The following PIGK variants were observed in gnomAD, a reference collection of about 807,000 sequenced individuals.
PIGK encodes GPI-anchor transamidase.
In PIGK, 42 loss-of-function variants were observed where a neutral mutation model predicts 50.6. The observed-to-expected ratio is 0.83, with a 90% CI of 0.65 to 1.07. The LOEUF (loss-of-function observed/expected upper bound fraction) is 1.07, where lower values mean the gene tolerates loss of function less well. PIGK is among the 50% of genes least tolerant of loss of function. The pLI is 0.00. For synonymous variants in PIGK, 151 were observed against 156.0 expected (o/e 0.97, Z 0.24); for missense variants, 448 against 488.7 (o/e 0.92, Z 0.78).
At chr1:77,155,599 ATT>A (rs35303091) in intron 8 of PIGK, among the ~76,000 whole-genome samples, 5,641 of 149,866 alleles carry the variant, frequency 0.038, 204 homozygotes, top group South Asian at 0.21. Context: ...AATTCAAGCC[ATT>A]TTTTTTTTTC....
intron 9 of PIGK, among the ~76,000 whole-genome samples, chr1:77,133,070 A>G (rs1346396398): frequency 6.6e-6 from 1 of 152,100 alleles, no homozygotes; most frequent in Non-Finnish European, 1.5e-5. Context: ...GTTTAGGAAA[A>G]TGTTTATTAT....
At chr1:77,129,862 G>A (rs1341156746) in intron 9 of PIGK, among the ~76,000 whole-genome samples, 1 of 151,898 alleles carries the variant, frequency 6.6e-6, no homozygotes, top group African/African-American at 2.4e-5. Flanking sequence ...CAAGTAAATT[G>A]CTATCCAAAA....
At chr1:77,116,033 T>C (rs1210246039) in intron 10 of PIGK, among the ~76,000 whole-genome samples, 1 of 152,172 alleles carries the variant, frequency 6.6e-6, no homozygotes, top group African/African-American at 2.4e-5. Flanking sequence ...TATTCACTGA[T>C]ATATAACATT....
intron 3 of PIGK, among the ~76,000 whole-genome samples, chr1:77,186,719 T>C (rs1175233177): frequency 6.6e-6 from 1 of 152,174 alleles, no homozygotes; most frequent in African/African-American, 2.4e-5. Context: ...AAAGTGGCTA[T>C]GGTGGCAGGG....
intron 4 of PIGK, among the ~76,000 whole-genome samples, chr1:77,168,455 AT>A (rs1456862865): frequency 1.3e-5 from 2 of 152,092 alleles, no homozygotes; most frequent in Admixed American, 1.3e-4. Context: ...TGTTTGGCCT[AT>A]ATTTTCCTAA....
chr1:77,092,231 T>A lies in PIGK; in HGVS notation c.*143A>T. 1 of 482,928 alleles carries A rather than the reference T, an allele frequency of 2.1e-6. No homozygotes were observed. 29.9% of individuals were successfully genotyped at this position (482,928 alleles called of 1,614,324 possible). Reference sequence around the variant, plus strand: ...TTAACAATTATTTTTCTTTAAGTTATAAAATTAATAGTTGATTCAAATTTA... The same window carrying A: ...TTAACAATTATTTTTCTTTAAGTTAAAAAATTAATAGTTGATTCAAATTTA... On this transcript the variant is annotated 3_prime_UTR_variant, in exon 11 of 11. Transcript: ENST00000370812.
intron 3 of PIGK, among the ~76,000 whole-genome samples, chr1:77,174,746 A>G (rs1292637715): frequency 6.6e-6 from 1 of 152,150 alleles, no homozygotes; most frequent in Non-Finnish European, 1.5e-5. Context: ...AATGAGAATG[A>G]GACCCTTAAT....
At position 77,163,936 on chromosome 1, in the gene PIGK, C is replaced by T; in HGVS notation, c.494G>A (p.Gly165Asp). The change falls in exon 6 of 11, where the codon GGT becomes GAT. Residue 165 changes from glycine to aspartate, a missense_variant. Gly to Asp is a moderately conservative substitution (Grantham distance 94). Coordinates refer to ENST00000370812, the MANE Select transcript of PIGK (RefSeq NM_005482.3). ...TTGAAATTTTAAGAAACCATTTCCA[C>T]CATGCCCTTGTATAAAGAGTAAAAA... is the stretch of plus-strand genomic sequence containing the variant. ...SNILIYMTGHGGNGFLKFQDS... is the reference protein window; with the variant it reads ...SNILIYMTGHDGNGFLKFQDS... 1.3e-6 allele frequency: 2 copies of T among 1,584,190 alleles called. No homozygotes were observed. Among genetic ancestry groups the T allele is most frequent in the African/African-American group, 1.3e-5 (1 of 74,334 alleles).
At chr1:77,104,508 T>A (rs776231288) in intron 10 of PIGK, among the ~76,000 whole-genome samples, 1 of 151,444 alleles carries the variant, frequency 6.6e-6, no homozygotes, top group Non-Finnish European at 1.5e-5. Flanking sequence ...AAAATAGCAA[T>A]AGAAATTATT....
At chr1:77,105,214 TC>T (rs1485496465) in intron 10 of PIGK, among the ~76,000 whole-genome samples, 5 of 151,986 alleles carry the variant, frequency 3.3e-5, no homozygotes, top group African/African-American at 4.8e-5. Context: ...TTCAGCCGTC[TC>T]CCTCGAAGTC....
intron 3 of PIGK, among the ~76,000 whole-genome samples, chr1:77,183,132 A>G (rs1655659577): frequency 6.6e-6 from 1 of 152,178 alleles, no homozygotes; most frequent in African/African-American, 2.4e-5. Context: ...AAATGCATGG[A>G]CAGCCTCACT....
intron 3 of PIGK, among the ~76,000 whole-genome samples, chr1:77,177,699 C>T (rs932702529): frequency 2.6e-5 from 4 of 152,120 alleles, no homozygotes; most frequent in East Asian, 1.9e-4. Context: ...CCTCTAGCGC[C>T]GCTGAGTTAG....
intron 3 of PIGK, among the ~76,000 whole-genome samples, chr1:77,187,277 G>A (rs1362455081): frequency 6.6e-6 from 1 of 151,994 alleles, no homozygotes; most frequent in Non-Finnish European, 1.5e-5. Context: ...TCCAATATAT[G>A]GTACTGTTTC....
intron 3 of PIGK, among the ~76,000 whole-genome samples, chr1:77,179,000 T>C (rs1655550872): frequency 6.6e-6 from 1 of 152,240 alleles, no homozygotes; most frequent in Non-Finnish European, 1.5e-5. Context: ...GCCACTGTTT[T>C]GGACTGAGAT....
chr1:77,114,446 A>C (rs1179946604), intron 10 of PIGK, among the ~76,000 whole-genome samples: 1 of 152,164 alleles, frequency 6.6e-6, no homozygotes. Flanking sequence ...AACTATTCTT[A>C]GTTTAAAAAT....
chr1:77,098,089 G>A (rs1028640949), intron 10 of PIGK, among the ~76,000 whole-genome samples: 1 of 152,090 alleles, frequency 6.6e-6, no homozygotes, highest in Non-Finnish European at 1.5e-5. Flanking sequence ...TTATAAAAGG[G>A]CTATCACAGA....
At chr1:77,173,003 G>A (rs932903556) in intron 3 of PIGK, among the ~76,000 whole-genome samples, 3 of 152,090 alleles carry the variant, frequency 2.0e-5, no homozygotes, top group African/African-American at 7.2e-5. Context: ...GTGCACTTAG[G>A]TAGGAAAAGA....
intron 9 of PIGK, among the ~76,000 whole-genome samples, chr1:77,137,120 T>C (rs1195290055): frequency 6.6e-6 from 1 of 152,202 alleles, no homozygotes; most frequent in African/African-American, 2.4e-5. Context: ...GTTTCAAATC[T>C]AGGCCACAAA....
At chr1:77,190,528 T>C (rs780474659) in intron 3 of PIGK, among the ~76,000 whole-genome samples, 7 of 152,158 alleles carry the variant, frequency 4.6e-5, no homozygotes, top group African/African-American at 7.2e-5. Flanking sequence ...TGGCACATAA[T>C]TAAAATAAAA....
Sources: gnomAD v4.1 joint callset for allele counts (sites outside exome capture counted in the v4.1 genomes callset) on GRCh38, gnomAD v4.1.1 for gene constraint, MANE v1.5 for transcripts, NCBI Gene and HGNC (gene_info 2026-07-23, HGNC 2026-07-21) for gene names.